The following ANKFN1 variants were observed in gnomAD, a reference collection of about 807,000 sequenced individuals.
ANKFN1 encodes the protein ankyrin repeat and fibronectin type III domain containing 1.
A neutral mutation model predicts 108.7 loss-of-function variants in ANKFN1; 74 were observed. That is an observed-to-expected ratio of 0.68 (90% CI 0.56 to 0.83). The LOEUF (loss-of-function observed/expected upper bound fraction) is 0.83. Among genes scored for constraint, ANKFN1 ranks in the 40% least tolerant of loss-of-function variants. The pLI is 0.00. For synonymous variants in ANKFN1, 547 were observed against 516.2 expected, an observed-to-expected ratio of 1.06 and a Z score of -0.81; for missense variants, 1,505 against 1,382.3, an observed-to-expected ratio of 1.09 and a Z score of -1.41.
intron 1 of ANKFN1, among the ~76,000 whole-genome samples, chr17:56,205,510 C>T (rs1450006485): frequency 6.6e-6 from 1 of 152,166 alleles, no homozygotes; most frequent in African/African-American, 2.4e-5. Flanking sequence ...AAATTAAAAC[C>T]TAAACTTATT....
At chr17:56,148,519 G>A (rs1403905730), upstream of ANKFN1, among the ~76,000 whole-genome samples, 3 of 152,206 alleles carry the variant, frequency 2.0e-5, no homozygotes, top group Non-Finnish European at 2.9e-5. Flanking sequence ...CTGCAGGTCA[G>A]ATTGCACAAG....
At chr17:56,238,627 A>G (rs888822845) in intron 3 of ANKFN1, among the ~76,000 whole-genome samples, 2 of 152,016 alleles carry the variant, frequency 1.3e-5, no homozygotes. Flanking sequence ...TAATTTCCAT[A>G]TGCTTGGCAG....
In ANKFN1 at chr17:56,146,708, G is replaced by T. The variant is rs534494451; in HGVS notation, c.289-81209G>T. 7.2e-5 allele frequency among the ~76,000 whole-genome samples: 11 copies of T among 152,296 alleles called. No homozygotes were observed. The Middle Eastern group carries it at 0.014, about 188-fold the overall frequency. Reference sequence around the variant, plus strand: ...TGCTGAGGCTGTATAAAGCAGGGAGGCCCTGGGCCCTGGGCCAGGAAACCA... The same window carrying T: ...TGCTGAGGCTGTATAAAGCAGGGAGTCCCTGGGCCCTGGGCCAGGAAACCA... On this transcript the variant is annotated intron_variant, in intron 4 of 12. Transcript: ENST00000635860.
At chr17:56,248,412 C>T (rs1567862397) in intron 3 of ANKFN1, among the ~76,000 whole-genome samples, 1 of 152,206 alleles carries the variant, frequency 6.6e-6, no homozygotes, top group Non-Finnish European at 1.5e-5. Flanking sequence ...CATTAGTATA[C>T]ACAATCTCAT....
chr17:56,104,537 A>C (rs1167406386), intron 4 of ANKFN1, among the ~76,000 whole-genome samples: 1 of 152,194 alleles, frequency 6.6e-6, no homozygotes, highest in African/African-American at 2.4e-5. Context: ...TTCAGAATAG[A>C]GAAGCATAGT....
At chr17:56,069,058 T>A (rs1192339794) in intron 4 of ANKFN1, among the ~76,000 whole-genome samples, 4 of 152,164 alleles carry the variant, frequency 2.6e-5, no homozygotes, top group African/African-American at 9.7e-5. Flanking sequence ...GTGTAATTGG[T>A]GGCACATTAA....
At chr17:56,409,746 T>C (rs1313718705) in intron 8 of ANKFN1, among the ~76,000 whole-genome samples, 3 of 152,174 alleles carry the variant, frequency 2.0e-5, no homozygotes, top group Admixed American at 2.0e-4. Context: ...CTAGCTTTTT[T>C]CTAAAATGTT....
intron 6 of ANKFN1, among the ~76,000 whole-genome samples, chr17:56,369,754 A>T (rs1363883331): frequency 6.6e-6 from 1 of 152,198 alleles, no homozygotes; most frequent in African/African-American, 2.4e-5. Flanking sequence ...AAAAAAATCC[A>T]CTGGAAAAAA....
chr17:56,188,545 ATGTG>A (rs1173100959), intron 1 of ANKFN1, among the ~76,000 whole-genome samples: 3 of 87,224 alleles, frequency 3.4e-5, no homozygotes, highest in Admixed American at 1.1e-4. Flanking sequence ...TAAGATGTAT[ATGTG>A]TGTGTGTGTG....
intron 4 of ANKFN1, among the ~76,000 whole-genome samples, chr17:56,120,073 C>T (rs1906518689): frequency 6.6e-6 from 1 of 152,182 alleles, no homozygotes; most frequent in South Asian, 2.1e-4. Flanking sequence ...GCCTAATTCT[C>T]AAATGATGCT....
chr17:56,147,191 C>A (rs185623781), intron 4 of ANKFN1, among the ~76,000 whole-genome samples: 76 of 152,322 alleles, frequency 5.0e-4, no homozygotes, highest in African/African-American at 1.8e-3. Flanking sequence ...AGCCGTTCAA[C>A]AAGTTTCTAG....
At chr17:56,360,674 G>T (rs1318145565) in intron 6 of ANKFN1, among the ~76,000 whole-genome samples, 2 of 152,070 alleles carry the variant, frequency 1.3e-5, no homozygotes, top group Non-Finnish European at 2.9e-5. Context: ...AATGATTTTA[G>T]TTAGTATTGG....
At chr17:56,423,621 T>C (rs9898973) in intron 8 of ANKFN1, among the ~76,000 whole-genome samples, 6,470 of 152,212 alleles carry the variant, frequency 0.043, 179 homozygotes, top group Non-Finnish European at 0.06. Flanking sequence ...CCCAAATTTT[T>C]CAGCTCTCAA....
chr17:56,243,962 G>A (rs961418376), intron 3 of ANKFN1, among the ~76,000 whole-genome samples: 3 of 152,082 alleles, frequency 2.0e-5, no homozygotes, highest in African/African-American at 7.2e-5. Context: ...GGGTGGAGAA[G>A]CCAGTTAGCC....
chr17:56,293,395 G>GCAACAAAACAAACACAAACAAC (rs2044418431), intron 3 of ANKFN1, among the ~76,000 whole-genome samples: 1 of 152,196 alleles, frequency 6.6e-6, no homozygotes, highest in African/African-American at 2.4e-5. Flanking sequence ...AACTTTTCAG[G>GCAACAAAACAAACACAAACAAC]TTTGGTGTGT....
At chr17:56,246,736 T>TAA (rs971272288) in intron 3 of ANKFN1, among the ~76,000 whole-genome samples, 1 of 149,232 alleles carries the variant, frequency 6.7e-6, no homozygotes, top group Non-Finnish European at 1.5e-5. Flanking sequence ...CAATTAGATT[T>TAA]AAAAAAAAAA....
chr17:56,264,962 A>G (rs548919239), intron 3 of ANKFN1, among the ~76,000 whole-genome samples: 3 of 151,952 alleles, frequency 2.0e-5, no homozygotes, highest in Non-Finnish European at 4.4e-5. Context: ...ATCCTCATCT[A>G]CTTTTTCACA....
chr17:56,325,679 A>G (rs1314575760), intron 3 of ANKFN1, among the ~76,000 whole-genome samples: 4 of 152,122 alleles, frequency 2.6e-5, no homozygotes, highest in Admixed American at 6.5e-5. Flanking sequence ...CTAGGAGCTT[A>G]TAAGGAATTG....
rs139307393 is a variant in ANKFN1 at position 56,143,227 on chromosome 17, A to G, written c.289-84690A>G. On this transcript the variant is annotated intron_variant, in intron 4 of 12. Transcript: ENST00000635860. ...CACTGTTTGAAATTCCAGCCAGCTC[A>G]GAGAGGTCTTTCTTGTCAGGTATCA... is the stretch of plus-strand genomic sequence containing the variant. Among the ~76,000 whole-genome samples, 8 of 152,302 alleles carry G rather than the reference A, an allele frequency of 5.3e-5. No individual in the cohort carries two copies. The East Asian group carries it at 1.5e-3, about 29-fold the overall frequency.
Sources: gnomAD v4.1 joint callset for allele counts (sites outside exome capture counted in the v4.1 genomes callset) on GRCh38, gnomAD v4.1.1 for gene constraint, MANE v1.5 for transcripts, NCBI Gene and HGNC (gene_info 2026-07-23, HGNC 2026-07-21) for gene names.